The following NBEAL1 variants were observed in gnomAD, a reference collection of about 807,000 sequenced individuals.
The protein encoded by NBEAL1 is neurobeachin-like protein 1.
Under a neutral mutation model 351.3 loss-of-function variants are expected in NBEAL1, and 273 were observed. The observed-to-expected ratio is 0.78, with a 90% CI of 0.70 to 0.86. The LOEUF (loss-of-function observed/expected upper bound fraction) is 0.86. Ranked by LOEUF, NBEAL1 falls within the 40% of genes least tolerant of loss-of-function variation. The probability of loss-of-function intolerance (pLI) is 0.00; values close to 1 mark genes in which losing one functional copy is unlikely to be tolerated. For synonymous variants in NBEAL1, 1,050 were observed against 1,086.4 expected, an observed-to-expected ratio of 0.97 and a Z score of 0.66; for missense variants, 2,961 against 3,201.3, an observed-to-expected ratio of 0.92 and a Z score of 1.81.
At position 203,218,681 on chromosome 2, in the gene NBEAL1, T is replaced by C. The variant is rs996552594; in HGVS notation, c.*1327T>C. ...CTTCTCAGTTGAATCTTAGAGAAAT[T>C]TTTCTTTTGCAATTTCGCTTTCCTG... On this transcript the variant is annotated 3_prime_UTR_variant, in exon 56 of 56. Transcript: ENST00000683969. 6.6e-6 allele frequency: 1 copy of C among 152,158 alleles called. No homozygotes were observed. 9.4% of individuals were successfully genotyped at this position (152,158 alleles called of 1,614,324 possible).
intron 33 of NBEAL1, 108 bp downstream of exon 33, chr2:203,145,268 T>A (rs915792136): frequency 3.1e-5 from 30 of 958,882 alleles, no homozygotes; most frequent in Middle Eastern, 2.9e-4. Flanking sequence ...GTATTTCTTT[T>A]ATTTGTCTAA....
intron 36 of NBEAL1, among the ~76,000 whole-genome samples, chr2:203,161,253 G>A (rs2063946855): frequency 6.6e-6 from 1 of 151,140 alleles, no homozygotes; most frequent in South Asian, 2.1e-4. Context: ...CATGAACCTG[G>A]GAGGCGGAGC....
At chr2:203,115,785 G>A (rs1437827923) in intron 17 of NBEAL1, among the ~76,000 whole-genome samples, 200 bp from the exon 18 acceptor site, 1 of 152,068 alleles carries the variant, frequency 6.6e-6, no homozygotes, top group Non-Finnish European at 1.5e-5. Flanking sequence ...TTTCTGTAAT[G>A]GAAATTGATT....
intron 2 of NBEAL1, among the ~76,000 whole-genome samples, chr2:203,036,517 A>G (rs755532070): frequency 2.0e-5 from 3 of 149,230 alleles, no homozygotes; most frequent in East Asian, 1.9e-4. Context: ...TGGACAAATT[A>G]TACATCTTTA....
chr2:203,181,680 A>T (rs2064721905), intron 43 of NBEAL1: 2 of 152,104 alleles, frequency 1.3e-5, no homozygotes, highest in African/African-American at 2.4e-5. Context: ...ATTCAGTACA[A>T]TTATTTGTCA....
In NBEAL1 at chr2:203,208,640, GGTGTTCCT is replaced by G. The variant is rs761195449; in HGVS notation, c.7514_7521del (p.Val2505GlyfsTer5). 1.2e-6 allele frequency: 2 copies of G among 1,603,574 alleles called. No individual in the cohort carries two copies. The highest frequency in any genetic ancestry group is 1.7e-6 in the Non-Finnish European group (2 of 1,175,008). On this transcript the variant is annotated frameshift_variant, in exon 52 of 56. Coordinates refer to ENST00000683969, the MANE Select transcript of NBEAL1 (RefSeq NM_001378026.1). LOFTEE classifies it high-confidence loss of function. ...TGCTTTTCTCTTGTATTATTAGGGA[GGTGTTCCT>G]GTGGGCTTAGCATCTAAACCTTTTC...
At position 203,217,459 on chromosome 2, in the gene NBEAL1, GA is replaced by G; in HGVS notation, c.*109del. On this transcript the variant is annotated 3_prime_UTR_variant, in exon 56 of 56. Transcript: ENST00000683969. ...GCAATGTTGCAAGGCTTTTATCCCTGAAAATCATTTACAGATAACCACAATT... is the reference window on the plus strand; with the variant it reads ...GCAATGTTGCAAGGCTTTTATCCCTGAAATCATTTACAGATAACCACAATT... 1 of 1,335,540 alleles carries G rather than the reference GA, an allele frequency of 7.5e-7. No individual in the cohort carries two copies. 82.7% of individuals were successfully genotyped at this position (1,335,540 alleles called of 1,614,324 possible).
intron 7 of NBEAL1, among the ~76,000 whole-genome samples, chr2:203,069,402 T>C (rs2061644066): frequency 6.6e-6 from 1 of 152,072 alleles, no homozygotes. Flanking sequence ...TTAGAGGATA[T>C]AGGACAGGAA....
chr2:203,048,219 G>A (rs1377864422), intron 3 of NBEAL1, among the ~76,000 whole-genome samples: 2 of 151,390 alleles, frequency 1.3e-5, no homozygotes, highest in Non-Finnish European at 2.9e-5. Flanking sequence ...CCGTCTCTAC[G>A]AAAAATACAA....
intron 36 of NBEAL1, among the ~76,000 whole-genome samples, chr2:203,161,824 C>T (rs923421557): frequency 6.6e-6 from 1 of 151,746 alleles, no homozygotes; most frequent in African/African-American, 2.4e-5. Flanking sequence ...CAGAGCCAGA[C>T]CCTATCTCTA....
intron 53 of NBEAL1, among the ~76,000 whole-genome samples, chr2:203,209,711 A>ATGTGTGTGTGTGTGTGTG (rs1491566182): frequency 9.1e-5 from 3 of 32,944 alleles, no homozygotes; most frequent in African/African-American, 1.3e-4. Flanking sequence ...TATTTAATTA[A>ATGTGTGTGTGTGTGTGTG]TATGTGTGTG....
In NBEAL1 at chr2:203,056,427, A is replaced by C; in HGVS notation, c.306A>C (p.Arg102Ser). 6.6e-7 allele frequency: 1 copy of C among 1,524,024 alleles called. No individual in the cohort carries two copies. The highest frequency in any genetic ancestry group is 8.9e-7 in the Non-Finnish European group (1 of 1,121,454). The allele number at this position is 1,524,024 out of a possible 1,614,324, so 94.4% of individuals were successfully genotyped here. Residue 102 changes from arginine to serine, a missense_variant and splice_region_variant, in exon 5 of 56, where the codon AGA becomes AGC. Physicochemically the swap from Arg to Ser is moderately radical, Grantham distance 110 (BLOSUM62 -1). Transcript: ENST00000683969. ...LLVKFFIILC[R>S]NLSNVEEIGT... is the part of the protein sequence containing the mutation. ...AAATTAAAGTCTCTTTTTCTCACAG[A>C]AATCTATCAAATGTGGAAGAAATTG...
intron 17 of NBEAL1, among the ~76,000 whole-genome samples, chr2:203,114,832 ACCT>A (rs759488619): frequency 7.2e-6 from 1 of 139,480 alleles, no homozygotes; most frequent in East Asian, 2.0e-4. Flanking sequence ...GCTCACTATA[ACCT>A]CTGTCTCCTG....
chr2:203,025,398 G>A (rs569546026), intron 2 of NBEAL1, among the ~76,000 whole-genome samples: 3 of 152,128 alleles, frequency 2.0e-5, no homozygotes, highest in South Asian at 4.2e-4. Flanking sequence ...GAGCATTCTC[G>A]GACCTTAGTT....
rs949124517 is a variant in NBEAL1 at position 203,220,852 on chromosome 2, T to G, written c.*3498T>G. Reference sequence around the variant, plus strand: ...TTTAGCCTGTGAAGCTCACGTCTGTTATTAAGTTAATAACAAAATTAAAAT... The same window carrying G: ...TTTAGCCTGTGAAGCTCACGTCTGTGATTAAGTTAATAACAAAATTAAAAT... On this transcript the variant is annotated 3_prime_UTR_variant, in exon 56 of 56. Coordinates refer to ENST00000683969, the MANE Select transcript of NBEAL1 (RefSeq NM_001378026.1). Among the ~76,000 whole-genome samples the G allele has an allele frequency of 1.3e-5, 2 of 152,214 alleles. No homozygotes were observed. Among genetic ancestry groups the G allele is most frequent in the Admixed American group, 1.3e-4 (2 of 15,280 alleles).
Position 203,180,461 on chromosome 2 carries a change from G to A in NBEAL1, c.6544G>A (p.Glu2182Lys). 1.2e-6 allele frequency: 2 copies of A among 1,612,078 alleles called. No homozygotes were observed. The highest frequency in any genetic ancestry group is 1.7e-6 in the Non-Finnish European group (2 of 1,178,946). Residue 2182 changes from glutamate (E) to lysine (K), a missense_variant, in exon 43 of 56, where the codon GAA becomes AAA. By Grantham distance (56) the Glu-to-Lys change is moderately conservative. Transcript: ENST00000683969. ...ALMDNPYDVK[E>K]LIPEFFYFPE... The stretch of plus-strand genomic sequence containing the variant: ...TATGGATAATCCATATGATGTTAAA[G>A]AACTTATTCCTGAATTCTTCTATTT...
At chr2:203,067,036 C>T (rs1574923090) in intron 6 of NBEAL1, among the ~76,000 whole-genome samples, 1 of 140,814 alleles carries the variant, frequency 7.1e-6, no homozygotes, top group Non-Finnish European at 1.5e-5. Flanking sequence ...CCCCTCACCT[C>T]CCAGAAGGGG....
At chr2:203,044,991 CCT>C (rs1397548675) in intron 3 of NBEAL1, among the ~76,000 whole-genome samples, 1 of 152,014 alleles carries the variant, frequency 6.6e-6, no homozygotes, top group African/African-American at 2.4e-5. Flanking sequence ...ACAGTAAAGT[CCT>C]AGAGGTGGGA....
chr2:203,089,919 G>T (rs1430928393), intron 10 of NBEAL1, among the ~76,000 whole-genome samples: 1 of 152,130 alleles, frequency 6.6e-6, no homozygotes, highest in Non-Finnish European at 1.5e-5. Flanking sequence ...AACTTAAAAA[G>T]AATAAAATTT....
Sources: gnomAD v4.1 joint callset for allele counts (sites outside exome capture counted in the v4.1 genomes callset) on GRCh38, gnomAD v4.1.1 for gene constraint, MANE v1.5 for transcripts, NCBI Gene and HGNC (gene_info 2026-07-23, HGNC 2026-07-21) for gene names.